Variants in ARID1B observed in about 807,000 individuals in gnomAD.
ARID1B encodes the protein AT-rich interactive domain-containing protein 1B.
A neutral mutation model predicts 212.3 loss-of-function variants in ARID1B; 30 were observed. That is an observed-to-expected ratio of 0.14 (90% confidence interval 0.11 to 0.19). ARID1B has a LOEUF of 0.19. ARID1B is among the 10% of genes least tolerant of loss of function. ARID1B has a pLI of 1.00. For synonymous variants in ARID1B, 1,402 were observed against 1,301.7 expected, an observed-to-expected ratio of 1.08 and a Z score of -1.66; for missense variants, 2,891 against 3,204.0, an observed-to-expected ratio of 0.90 and a Z score of 2.36.
chr6:156,876,408 T>A (rs1220578651), intron 2 of ARID1B, among the ~76,000 whole-genome samples: 2 of 152,136 alleles, frequency 1.3e-5, no homozygotes, highest in African/African-American at 4.8e-5. Flanking sequence ...TCGTCCTGGT[T>A]CCAGTGGCTC....
chr6:156,778,427 T>C lies in ARID1B; in HGVS notation c.747T>C (p.Ala249=), dbSNP rs1342382475. 4.0e-6 allele frequency: 6 copies of C among 1,489,450 alleles called. No homozygotes were observed. Among genetic ancestry groups the C allele is most frequent in the South Asian group, 3.8e-5 (3 of 78,702 alleles). The allele number at this position is 1,489,450 out of a possible 1,614,324, so 92.3% of individuals were successfully genotyped here. The change falls in exon 1 of 20, where the codon GCT becomes GCC. Residue 249 remains alanine, a synonymous_variant. Coordinates refer to ENST00000636930, the MANE Select transcript of ARID1B (RefSeq NM_001374828.1). ...AACATGGAGGCGCCAAGGACAGTGC[T>C]GCGGGCGGCCAGGCCGACCCCCCGG... ...QPQHGGAKDS[A]AGGQADPPGP...
intron 8 of ARID1B, chr6:157,149,704 A>C (rs1790063863): frequency 6.6e-6 from 1 of 152,266 alleles, no homozygotes; most frequent in African/African-American, 2.4e-5. Flanking sequence ...GCACATGTAA[A>C]TATGTTTTAA....
intron 4 of ARID1B, among the ~76,000 whole-genome samples, chr6:156,949,546 A>G (rs892700713): frequency 6.6e-6 from 1 of 152,162 alleles, no homozygotes; most frequent in Non-Finnish European, 1.5e-5. Context: ...CCTGAGATTC[A>G]GCATTCCTTT....
intron 4 of ARID1B, among the ~76,000 whole-genome samples, chr6:156,966,803 C>G (rs1044050483): frequency 1.3e-5 from 2 of 152,190 alleles, no homozygotes; most frequent in Non-Finnish European, 2.9e-5. Flanking sequence ...CGGGTTCAAG[C>G]GTTTCTCCTG....
intron 2 of ARID1B, among the ~76,000 whole-genome samples, chr6:156,882,118 G>T (rs287874): frequency 0.64 from 97,824 of 152,054 alleles, 32,465 homozygotes; most frequent in African/African-American, 0.81. Flanking sequence ...ACTTGTGTGT[G>T]CCTTTCTTCC....
At chr6:157,168,957 A>G (rs1394062365) in intron 9 of ARID1B, 2 of 152,236 alleles carry the variant, frequency 1.3e-5, no homozygotes, top group Non-Finnish European at 2.9e-5. Context: ...AGTGAAATGC[A>G]TAACAGAGGA....
chr6:157,056,924 G>A (rs374465936), intron 4 of ARID1B, among the ~76,000 whole-genome samples: 44 of 150,908 alleles, frequency 2.9e-4, no homozygotes, highest in African/African-American at 1.0e-3. Context: ...TTTAAGTTCA[G>A]GGGTACATGT....
At chr6:156,910,429 G>A (rs914157208) in intron 3 of ARID1B, among the ~76,000 whole-genome samples, 4 of 152,164 alleles carry the variant, frequency 2.6e-5, no homozygotes, top group Non-Finnish European at 5.9e-5. Context: ...TTAACTGAGA[G>A]GTGTTGTCTT....
chr6:156,788,650 C>A (rs1016797386), intron 1 of ARID1B, among the ~76,000 whole-genome samples: 1 of 152,190 alleles, frequency 6.6e-6, no homozygotes, highest in Non-Finnish European at 1.5e-5. Context: ...TCTGTGTTTG[C>A]TTCATCTTCA....
intron 2 of ARID1B, among the ~76,000 whole-genome samples, chr6:156,841,163 A>G (rs746363296): frequency 1.5e-4 from 23 of 152,214 alleles, no homozygotes; most frequent in Non-Finnish European, 3.4e-4. Flanking sequence ...GTTCACATCC[A>G]TGTTTGTGCT....
intron 13 of ARID1B, among the ~76,000 whole-genome samples, chr6:157,187,860 T>C (rs1793085019): frequency 1.3e-5 from 2 of 152,020 alleles, no homozygotes; most frequent in Admixed American, 1.3e-4. Flanking sequence ...AATCAAGCCT[T>C]GCAAGTGATG....
chr6:156,923,301 C>T (rs971278394), intron 3 of ARID1B, among the ~76,000 whole-genome samples: 4 of 152,114 alleles, frequency 2.6e-5, no homozygotes, highest in African/African-American at 9.7e-5. Flanking sequence ...AATCAACAGT[C>T]CTCGAAATTT....
intron 4 of ARID1B, among the ~76,000 whole-genome samples, chr6:157,075,047 A>G (rs762097487): frequency 1.1e-4 from 17 of 152,198 alleles, no homozygotes; most frequent in Non-Finnish European, 2.2e-4. Context: ...TAGTTTTTGA[A>G]GTAACATATT....
intron 3 of ARID1B, among the ~76,000 whole-genome samples, chr6:156,934,159 A>G (rs182111781): frequency 5.9e-5 from 9 of 152,332 alleles, no homozygotes; most frequent in Non-Finnish European, 1.3e-4. Flanking sequence ...TTTTAAAGCA[A>G]TATTTTCCAT....
At chr6:156,823,509 G>A (rs287878) in intron 1 of ARID1B, among the ~76,000 whole-genome samples, 27,490 of 152,144 alleles carry the variant, frequency 0.18, 2,747 homozygotes, top group Middle Eastern at 0.22. Context: ...CCCTGTTTGA[G>A]CGAGAGAAAT....
At chr6:157,028,568 ATTG>A (rs1422837455) in intron 4 of ARID1B, among the ~76,000 whole-genome samples, 1 of 152,230 alleles carries the variant, frequency 6.6e-6, no homozygotes, top group African/African-American at 2.4e-5. Context: ...TTTGGTCTAT[ATTG>A]TTCATGATCT....
intron 4 of ARID1B, among the ~76,000 whole-genome samples, chr6:156,950,635 G>A (rs1287242717): frequency 1.3e-5 from 2 of 152,068 alleles, no homozygotes; most frequent in Non-Finnish European, 2.9e-5. Context: ...AGTTGTCCTG[G>A]TTTTTTAGCG....
At chr6:156,868,527 G>A (rs1785876275) in intron 2 of ARID1B, among the ~76,000 whole-genome samples, 3 of 152,282 alleles carry the variant, frequency 2.0e-5, no homozygotes, top group East Asian at 1.9e-4. Flanking sequence ...AGTGTCTGGC[G>A]AGGGCCTGTT....
intron 2 of ARID1B, among the ~76,000 whole-genome samples, chr6:156,850,800 G>C (rs929364692): frequency 6.6e-6 from 1 of 152,148 alleles, no homozygotes; most frequent in African/African-American, 2.4e-5. Flanking sequence ...AAACCACATT[G>C]AGTGAGAAAA....
Sources: allele counts gnomAD v4.1 joint callset (sites outside exome capture counted in the v4.1 genomes callset), GRCh38; gene constraint gnomAD v4.1.1; transcripts MANE v1.5; gene names NCBI Gene and HGNC (gene_info 2026-07-23, HGNC 2026-07-21).